RAB11FIP3: variants seen among roughly 807,000 people sequenced by gnomAD.
The protein encoded by RAB11FIP3 is rab11 family-interacting protein 3.
A neutral mutation model predicts 77.8 loss-of-function variants in RAB11FIP3; 17 were observed. That is an observed-to-expected ratio of 0.22 (90% CI 0.15 to 0.33). The LOEUF (loss-of-function observed/expected upper bound fraction) is 0.33. Ranked by LOEUF, RAB11FIP3 falls within the 10% of genes least tolerant of loss-of-function variation. RAB11FIP3 has a pLI of 1.00. For missense variants in RAB11FIP3, 1,005 were observed against 1,011.2 expected (o/e 0.99, Z 0.08); for synonymous variants, 437 against 448.2 (o/e 0.98, Z 0.31).
rs927316705 is a variant in RAB11FIP3 at position 488,655 on chromosome 16, C to T, written c.1116-196C>T. 2.6e-4 allele frequency among the ~76,000 whole-genome samples: 39 copies of T among 151,908 alleles called. 1 individual carries two copies. Among genetic ancestry groups the T allele is most frequent in the Admixed American group, 1.7e-3 (26 of 15,264 alleles). On this transcript the variant is annotated intron_variant, in intron 4 of 13. Transcript: ENST00000262305. ...AACTCCTGAGCTCAAGCCATCTGCTCGCCTTGGCCTCCCAAAGTGCTGGGA... is the reference window on the plus strand; with the variant it reads ...AACTCCTGAGCTCAAGCCATCTGCTTGCCTTGGCCTCCCAAAGTGCTGGGA...
intron 1 of RAB11FIP3, among the ~76,000 whole-genome samples, chr16:454,432 C>T (rs1412440812): frequency 6.6e-6 from 1 of 152,126 alleles, no homozygotes; most frequent in Non-Finnish European, 1.5e-5. Context: ...CAAAAATTAG[C>T]TGGGTTTGGT....
intron 1 of RAB11FIP3, among the ~76,000 whole-genome samples, chr16:430,544 T>C (rs2055019652): frequency 6.6e-6 from 1 of 152,094 alleles, no homozygotes; most frequent in African/African-American, 2.4e-5. Context: ...CTAGGGACAT[T>C]TGACTGCACC....
intron 1 of RAB11FIP3, among the ~76,000 whole-genome samples, chr16:444,421 G>A (rs1173540589): frequency 6.6e-6 from 1 of 152,162 alleles, no homozygotes; most frequent in Admixed American, 6.6e-5. Context: ...ACTGTTGGAT[G>A]ATCTCTTGAT....
At chr16:467,868 G>A (rs1324876692) in intron 2 of RAB11FIP3, among the ~76,000 whole-genome samples, 1 of 98,054 alleles carries the variant, frequency 1.0e-5, no homozygotes, top group East Asian at 3.2e-4. Flanking sequence ...CAGGGAGGAG[G>A]TGCTGGGACG....
At position 492,964 on chromosome 16, in the gene RAB11FIP3, C is replaced by T. The variant is rs571578901; in HGVS notation, c.1266-3860C>T. Among the ~76,000 whole-genome samples, 7 of 152,216 alleles carry T rather than the reference C, an allele frequency of 4.6e-5. No individual in the cohort carries two copies. The East Asian group carries it at 5.8e-4, about 13-fold the overall frequency. ...CCCCTTTTCCTAAGACTCTATGAAG[C>T]GGGCCAGGCGCAGTGACTCACGCCT... On this transcript the variant is annotated intron_variant, in intron 5 of 13. Transcript: ENST00000262305.
rs993863531 is a variant in RAB11FIP3, at chr16:507,473, C to G, written c.1499+1846C>G. Among the ~76,000 whole-genome samples the G allele has an allele frequency of 6.6e-6, 1 of 152,112 alleles. No individual in the cohort carries two copies. Among genetic ancestry groups the G allele is most frequent in the African/African-American group, 2.4e-5 (1 of 41,412 alleles). ...TGTTGCCCATGCTGGTCTCAAACGC[C>G]TGGCCTCAAGCGATCCTCCCACCTT... is the stretch of plus-strand genomic sequence containing the variant. On this transcript the variant is annotated intron_variant, in intron 8 of 13. Coordinates refer to ENST00000262305, the MANE Select transcript of RAB11FIP3 (RefSeq NM_014700.4). The surrounding 1 kb of genome is among the most constrained non-coding windows in gnomAD (Gnocchi z 4.6).
At chr16:496,752 G>C (rs1356273950) in intron 5 of RAB11FIP3, 72 bp from the exon 6 acceptor site, 3 of 1,477,782 alleles carry the variant, frequency 2.0e-6, no homozygotes, top group Non-Finnish European at 2.8e-6. Context: ...TCCACAGCCT[G>C]AGTTTCCTGC....
chr16:490,628 C>T (rs909222508), intron 5 of RAB11FIP3, among the ~76,000 whole-genome samples: 2 of 152,144 alleles, frequency 1.3e-5, no homozygotes, highest in African/African-American at 4.8e-5. Flanking sequence ...CCGGCTTTAA[C>T]GCACATCTTA....
At chr16:510,871 G>T in intron 9 of RAB11FIP3, 71 bp downstream of exon 9, 2 of 1,533,428 alleles carry the variant, frequency 1.3e-6, no homozygotes, top group Non-Finnish European at 1.8e-6. Context: ...CCAACAGCCC[G>T]CCAGCCCCAG....
chr16:507,939 C>A lies in RAB11FIP3; in HGVS notation c.1499+2312C>A. 6.6e-6 allele frequency among the ~76,000 whole-genome samples: 1 copy of A among 152,260 alleles called. No individual in the cohort carries two copies. Among genetic ancestry groups the A allele is most frequent in the African/African-American group, 2.4e-5 (1 of 41,468 alleles). ...TCAGTATCATCTGCCCGTTCTGAGC[C>A]ATTTGCTCTCTAGCTGTGCCGTACA... On this transcript the variant is annotated intron_variant, in intron 8 of 13. Coordinates refer to ENST00000262305, the MANE Select transcript of RAB11FIP3 (RefSeq NM_014700.4). The surrounding 1 kb of genome is among the most constrained non-coding windows in gnomAD (Gnocchi z 4.6).
intron 9 of RAB11FIP3, among the ~76,000 whole-genome samples, chr16:518,541 A>G (rs1162799376): frequency 1.3e-5 from 2 of 149,874 alleles, no homozygotes; most frequent in African/African-American, 2.5e-5. Flanking sequence ...CCTGGCCAAC[A>G]TGGCGAAACC....
At chr16:459,042 C>G (rs2055558042) in intron 1 of RAB11FIP3, among the ~76,000 whole-genome samples, 1 of 151,490 alleles carries the variant, frequency 6.6e-6, no homozygotes, top group African/African-American at 2.4e-5. Context: ...AAGCAGTGCT[C>G]TTTAAAAAAT....
At chr16:493,970 C>T (rs2030857572) in intron 5 of RAB11FIP3, among the ~76,000 whole-genome samples, 1 of 140,388 alleles carries the variant, frequency 7.1e-6, no homozygotes, top group African/African-American at 2.7e-5. Context: ...GTGGTGCGAT[C>T]TCGGCTCACT....
chr16:449,208 C>A (rs2055367517), intron 1 of RAB11FIP3, among the ~76,000 whole-genome samples: 1 of 152,180 alleles, frequency 6.6e-6, no homozygotes, highest in South Asian at 2.1e-4. Flanking sequence ...TGTGCAGTAG[C>A]TATTCCCTCT....
intron 4 of RAB11FIP3, among the ~76,000 whole-genome samples, chr16:486,251 T>TG (rs1264667771): frequency 2.6e-5 from 4 of 152,142 alleles, no homozygotes; most frequent in Non-Finnish European, 5.9e-5. Flanking sequence ...TCCAGCCCTT[T>TG]GGGGGGCCGA....
chr16:436,934 C>T (rs866040555), intron 1 of RAB11FIP3, among the ~76,000 whole-genome samples: 2 of 152,070 alleles, frequency 1.3e-5, no homozygotes, highest in Non-Finnish European at 2.9e-5. Flanking sequence ...TCCTAGTGTT[C>T]TATATCACTG....
chr16:450,601 G>A (rs906573172), intron 1 of RAB11FIP3, among the ~76,000 whole-genome samples: 6 of 152,174 alleles, frequency 3.9e-5, no homozygotes, highest in African/African-American at 7.2e-5. Context: ...ACACTGCAGC[G>A]GCTAGCAGGG....
chr16:442,113 A>G (rs1157583140), intron 1 of RAB11FIP3, among the ~76,000 whole-genome samples: 1 of 152,176 alleles, frequency 6.6e-6, no homozygotes, highest in African/African-American at 2.4e-5. Flanking sequence ...CTGGGATTAC[A>G]GGCATGAGCC....
intron 1 of RAB11FIP3, among the ~76,000 whole-genome samples, chr16:447,584 A>C (rs963881220): frequency 6.6e-6 from 1 of 152,160 alleles, no homozygotes; most frequent in Non-Finnish European, 1.5e-5. Context: ...AATAGTACAA[A>C]AAAATTAGCC....
Sources: gnomAD v4.1 joint callset for allele counts (sites outside exome capture counted in the v4.1 genomes callset) on GRCh38, gnomAD v4.1.1 for gene constraint, Gnocchi (gnomAD v3.1) non-coding constraint, MANE v1.5 for transcripts, NCBI Gene and HGNC (gene_info 2026-07-23, HGNC 2026-07-21) for gene names.